ARHGAP10: variants seen among roughly 807,000 people sequenced by gnomAD.
ARHGAP10 encodes rho GTPase-activating protein 10.
ARHGAP10 carries 87 observed loss-of-function variants against 108.6 expected under a neutral mutation model. The observed-to-expected ratio is 0.80, with a 90% CI of 0.67 to 0.96. The LOEUF (loss-of-function observed/expected upper bound fraction) is 0.96, where lower values mean the gene tolerates loss of function less well. Ranked by LOEUF, ARHGAP10 falls within the 40% of genes least tolerant of loss-of-function variation. ARHGAP10 has a pLI of 0.00. For missense variants in ARHGAP10, 939 were observed against 954.5 expected, an observed-to-expected ratio of 0.98 and a Z score of 0.21; for synonymous variants, 347 against 341.1, an observed-to-expected ratio of 1.02 and a Z score of -0.19.
At chr4:147,982,401 ACTCTGTTG>A (rs1396025618) in intron 18 of ARHGAP10, among the ~76,000 whole-genome samples, 1 of 130,934 alleles carries the variant, frequency 7.6e-6, no homozygotes, top group Non-Finnish European at 1.6e-5. Context: ...ACAGGGTCTC[ACTCTGTTG>A]CCCAGGCTGG....
intron 4 of ARHGAP10, among the ~76,000 whole-genome samples, chr4:147,851,015 A>G (rs532265544): frequency 6.6e-6 from 1 of 152,330 alleles, no homozygotes; most frequent in East Asian, 1.9e-4. Flanking sequence ...TGACCAAGTA[A>G]TGAAAATATG....
chr4:147,927,929 C>T (rs1398622985), intron 13 of ARHGAP10, among the ~76,000 whole-genome samples: 1 of 152,152 alleles, frequency 6.6e-6, no homozygotes, highest in East Asian at 1.9e-4. Flanking sequence ...TCGGAAACTC[C>T]CTGTTACTCC....
At chr4:147,936,570 C>A (rs1429474922) in intron 13 of ARHGAP10, among the ~76,000 whole-genome samples, 1 of 151,776 alleles carries the variant, frequency 6.6e-6, no homozygotes, top group Admixed American at 6.6e-5. Context: ...ACCTCATGAT[C>A]CACCCGCCTC....
intron 18 of ARHGAP10, among the ~76,000 whole-genome samples, chr4:147,991,094 CG>C (rs1560862541): frequency 6.6e-6 from 1 of 151,300 alleles, no homozygotes; most frequent in East Asian, 1.9e-4. Flanking sequence ...ACCAAACCCC[CG>C]TGACACACAA....
intron 18 of ARHGAP10, among the ~76,000 whole-genome samples, chr4:148,020,323 T>C (rs753886441): frequency 4.6e-5 from 7 of 152,214 alleles, no homozygotes; most frequent in Non-Finnish European, 1.0e-4. Flanking sequence ...GTTCTGGGGC[T>C]ACATGTACAG....
intron 10 of ARHGAP10, among the ~76,000 whole-genome samples, chr4:147,903,207 A>T (rs1026985021): frequency 5.9e-5 from 9 of 152,174 alleles, no homozygotes; most frequent in African/African-American, 2.2e-4. Flanking sequence ...GCCAGTGAGG[A>T]GGCTGATCTT....
intron 18 of ARHGAP10, among the ~76,000 whole-genome samples, chr4:147,975,615 A>G (rs1420240201): frequency 6.6e-6 from 1 of 152,190 alleles, no homozygotes; most frequent in Non-Finnish European, 1.5e-5. Context: ...GTGCATGTGC[A>G]AGTGAGTGAG....
At chr4:147,863,834 T>C (rs1265213022) in intron 5 of ARHGAP10, 1 of 152,194 alleles carries the variant, frequency 6.6e-6, no homozygotes, top group Non-Finnish European at 1.5e-5. Flanking sequence ...TTTTTCACAG[T>C]GCTTGTACCA....
At position 147,847,227 on chromosome 4, in the gene ARHGAP10, G is replaced by T; in HGVS notation, c.384+5G>T. 1 of 1,608,436 alleles carries T rather than the reference G, an allele frequency of 6.2e-7. No individual in the cohort carries two copies. Reference sequence around the variant, plus strand: ...GAGCAACTTGGAGCTGTAAAGGTTTGTGTCTAATTTGAATACACTCAGAAA... The same window carrying T: ...GAGCAACTTGGAGCTGTAAAGGTTTTTGTCTAATTTGAATACACTCAGAAA... On this transcript the variant is annotated splice_donor_5th_base_variant and intron_variant, in intron 4 of 22. Coordinates refer to ENST00000336498, the MANE Select transcript of ARHGAP10 (RefSeq NM_024605.4).
intron 9 of ARHGAP10, among the ~76,000 whole-genome samples, chr4:147,880,726 G>T (rs1420589045): frequency 6.6e-6 from 1 of 152,170 alleles, no homozygotes; most frequent in African/African-American, 2.4e-5. Flanking sequence ...TAAATTCAGG[G>T]TGATTCACAT....
intron 7 of ARHGAP10, among the ~76,000 whole-genome samples, chr4:147,874,770 A>G (rs1417947760): frequency 6.6e-6 from 1 of 152,204 alleles, no homozygotes; most frequent in African/African-American, 2.4e-5. Flanking sequence ...TAATGGTGTT[A>G]GAAAGCCTCC....
At chr4:147,960,283 T>C (rs758780779) in intron 16 of ARHGAP10, among the ~76,000 whole-genome samples, 2 of 152,192 alleles carry the variant, frequency 1.3e-5, no homozygotes, top group Non-Finnish European at 2.9e-5. Context: ...TTATGTGCCT[T>C]TTAATTTCTT....
chr4:147,963,199 C>G (rs1463242721), intron 16 of ARHGAP10, among the ~76,000 whole-genome samples: 1 of 152,188 alleles, frequency 6.6e-6, no homozygotes, highest in African/African-American at 2.4e-5. Context: ...ACCTTTCTAT[C>G]TATACCCTCG....
intron 1 of ARHGAP10, among the ~76,000 whole-genome samples, chr4:147,742,399 A>G (rs1299658963): frequency 6.6e-6 from 1 of 151,372 alleles, no homozygotes; most frequent in East Asian, 1.9e-4. Context: ...TATTATTAAA[A>G]TAACTATTTT....
intron 16 of ARHGAP10, among the ~76,000 whole-genome samples, chr4:147,961,095 G>A (rs1738973520): frequency 6.6e-6 from 1 of 152,140 alleles, no homozygotes; most frequent in African/African-American, 2.4e-5. Flanking sequence ...CGGTCATAGG[G>A]TATGTGTTTG....
intron 1 of ARHGAP10, among the ~76,000 whole-genome samples, chr4:147,802,711 C>A (rs1731631562): frequency 6.6e-6 from 1 of 152,224 alleles, no homozygotes; most frequent in Non-Finnish European, 1.5e-5. Context: ...TAGGACCATG[C>A]AGGGTGAATC....
intron 10 of ARHGAP10, among the ~76,000 whole-genome samples, chr4:147,886,646 G>C (rs1161749541): frequency 6.6e-6 from 1 of 152,108 alleles, no homozygotes. Context: ...TTAAGATTCA[G>C]TTCTGCCTTC....
intron 1 of ARHGAP10, among the ~76,000 whole-genome samples, chr4:147,784,521 TATA>T (rs1365883976): frequency 2.7e-5 from 1 of 37,262 alleles, no homozygotes; most frequent in African/African-American, 5.6e-5. Flanking sequence ...GCAAAATATA[TATA>T]ATATAAAACA....
intron 19 of ARHGAP10, among the ~76,000 whole-genome samples, chr4:148,036,758 T>A (rs908407390): frequency 1.3e-5 from 2 of 152,210 alleles, no homozygotes; most frequent in African/African-American, 4.8e-5. Flanking sequence ...CAGGTTTTCT[T>A]TGGCTTGTTA....
Sources: allele counts gnomAD v4.1 joint callset (sites outside exome capture counted in the v4.1 genomes callset), GRCh38; gene constraint gnomAD v4.1.1; transcripts MANE v1.5; gene names NCBI Gene and HGNC (gene_info 2026-07-23, HGNC 2026-07-21).